The following SNX29 variants were observed in gnomAD, a reference collection of about 807,000 sequenced individuals.
SNX29 encodes sorting nexin 29, also known as sorting nexin-29.
In SNX29, 78 loss-of-function variants were observed where a neutral mutation model predicts 102.1. That is an observed-to-expected ratio of 0.76 (90% confidence interval 0.64 to 0.92). The LOEUF (loss-of-function observed/expected upper bound fraction) is 0.92, where lower values mean the gene tolerates loss of function less well. Ranked by LOEUF, SNX29 falls within the 40% of genes least tolerant of loss-of-function variation. SNX29 has a pLI of 0.00. For synonymous variants in SNX29, 580 were observed against 414.5 expected (o/e 1.40, Z -4.85); for missense variants, 1,280 against 1,061.7 (o/e 1.21, Z -2.86).
Position 12,573,771 on chromosome 16 carries a change from C to T in SNX29, c.*5142C>T, listed in dbSNP as rs2079235522. 1 of 222,722 alleles carries T rather than the reference C, an allele frequency of 4.5e-6. No homozygotes were observed. The highest frequency in any genetic ancestry group is 9.0e-6 in the Non-Finnish European group (1 of 111,506). 13.8% of individuals were successfully genotyped at this position (222,722 alleles called of 1,614,324 possible). On this transcript the variant is annotated 3_prime_UTR_variant, in exon 21 of 21. Transcript: ENST00000566228. ...AGAGCTACTAAACGCTCAGTGACCC[C>T]AGAGACCATTAATTTCCCGGAGTGA... is the stretch of plus-strand genomic sequence containing the variant.
chr16:12,366,756 C>T (rs1251630352), intron 16 of SNX29, among the ~76,000 whole-genome samples: 1 of 152,170 alleles, frequency 6.6e-6, no homozygotes, highest in Non-Finnish European at 1.5e-5. Context: ...CTGTGTGCTT[C>T]TCTTTTTGTT....
At chr16:12,138,951 C>T (rs2054764226) in intron 13 of SNX29, among the ~76,000 whole-genome samples, 1 of 151,904 alleles carries the variant, frequency 6.6e-6, no homozygotes, top group African/African-American at 2.4e-5. Context: ...GCCTGTAATC[C>T]CAACACTTTG....
intron 4 of SNX29, among the ~76,000 whole-genome samples, chr16:12,039,819 C>T (rs551800992): frequency 1.3e-5 from 2 of 152,200 alleles, no homozygotes; most frequent in African/African-American, 2.4e-5. Context: ...TGTTTACTAA[C>T]TGTGTTGCTG....
intron 14 of SNX29, among the ~76,000 whole-genome samples, chr16:12,260,704 G>A (rs28587217): frequency 1.6e-4 from 19 of 120,422 alleles, no homozygotes; most frequent in African/African-American, 3.9e-4. Flanking sequence ...ACGCGTCCCC[G>A]GCTGGAGTGA....
chr16:12,239,408 C>T lies in SNX29; in HGVS notation c.1679-38525C>T, dbSNP rs1223922105. Among the ~76,000 whole-genome samples the T allele has an allele frequency of 3.3e-5, 5 of 151,992 alleles. No individual in the cohort carries two copies. The South Asian group carries it at 6.2e-4, about 19-fold the overall frequency. ...CTGGGTCGTATGTAGCCTACTGGAC[C>T]GTGAACTCCTTGAGGACAGGAGTAT... On this transcript the variant is annotated intron_variant, in intron 14 of 20. Coordinates refer to ENST00000566228, the MANE Select transcript of SNX29 (RefSeq NM_032167.5).
chr16:12,171,596 G>A (rs1206577403), intron 13 of SNX29, among the ~76,000 whole-genome samples: 1 of 152,218 alleles, frequency 6.6e-6, no homozygotes, highest in Non-Finnish European at 1.5e-5. Context: ...TCAGGGCTTA[G>A]CCCTCTTCTG....
rs748464482 is a variant in SNX29 at position 12,524,849 on chromosome 16, C to G, written c.2318+8C>G. ...GCTGATGCCCTTCTTCGTGTAAGTA[C>G]TGCTCCCACGGACATGGGCCGCCAG... On this transcript the variant is annotated splice_region_variant and intron_variant, in intron 20 of 20. Coordinates refer to ENST00000566228, the MANE Select transcript of SNX29 (RefSeq NM_032167.5). The G allele has an allele frequency of 1.2e-6, 2 of 1,611,368 alleles. No homozygotes were observed. The highest frequency in any genetic ancestry group is 1.1e-5 in the South Asian group (1 of 90,790).
chr16:12,422,546 G>A (rs2084913323), intron 18 of SNX29, among the ~76,000 whole-genome samples: 1 of 152,196 alleles, frequency 6.6e-6, no homozygotes. Context: ...CTTGAACTTT[G>A]CTTCCCTCCT....
chr16:12,265,510 A>G (rs1435005967), intron 14 of SNX29, among the ~76,000 whole-genome samples: 1 of 152,150 alleles, frequency 6.6e-6, no homozygotes, highest in Non-Finnish European at 1.5e-5. Flanking sequence ...CTTAATGGAC[A>G]GGTGTTCTGA....
chr16:12,524,628 C>T (rs142230864), intron 19 of SNX29, 74 bp from the exon 20 acceptor site: 12 of 1,519,886 alleles, frequency 7.9e-6, no homozygotes, highest in African/African-American at 2.8e-5. Context: ...GATGGGTGAT[C>T]GCCTGTTCTA....
chr16:12,512,915 A>G (rs2089696099), intron 19 of SNX29, among the ~76,000 whole-genome samples: 1 of 152,110 alleles, frequency 6.6e-6, no homozygotes, highest in Middle Eastern at 3.4e-3. Flanking sequence ...TCCGTCACCA[A>G]AGCACTTGTT....
intron 14 of SNX29, among the ~76,000 whole-genome samples, chr16:12,264,399 C>A (rs571842112): frequency 7.9e-5 from 12 of 152,358 alleles, no homozygotes; most frequent in Non-Finnish European, 1.5e-4. Context: ...CCAGGCCTTA[C>A]AAACAACAGT....
rs145545649 is a variant in SNX29, at chr16:12,024,568, A to G, written c.123-2752A>G. Among the ~76,000 whole-genome samples, 323 of 152,324 alleles carry G rather than the reference A, an allele frequency of 2.1e-3. 1 individual carries two copies. Among genetic ancestry groups the G allele is most frequent in the African/African-American group, 7.5e-3 (310 of 41,576 alleles). ...AGGAAGGCATCATAGTGATCTAATT[A>G]AAAGACTAGCATCCACCTGGGTATT... On this transcript the variant is annotated intron_variant, in intron 3 of 20. Coordinates refer to ENST00000566228, the MANE Select transcript of SNX29 (RefSeq NM_032167.5).
chr16:12,328,734 G>C (rs1214453556), intron 15 of SNX29, among the ~76,000 whole-genome samples: 2 of 152,112 alleles, frequency 1.3e-5, no homozygotes, highest in African/African-American at 2.4e-5. Flanking sequence ...ATTTTCATCT[G>C]TGTATCTCTC....
intron 14 of SNX29, among the ~76,000 whole-genome samples, chr16:12,244,919 C>T (rs1242734969): frequency 6.6e-6 from 1 of 152,124 alleles, no homozygotes; most frequent in African/African-American, 2.4e-5. Flanking sequence ...TCATGTTTCT[C>T]CTTTCAGATT....
chr16:12,131,974 A>C (rs1306711073), intron 13 of SNX29, among the ~76,000 whole-genome samples: 1 of 152,122 alleles, frequency 6.6e-6, no homozygotes, highest in Non-Finnish European at 1.5e-5. Flanking sequence ...TCTCACCTGG[A>C]CCACCCTTTT....
intron 1 of SNX29, among the ~76,000 whole-genome samples, chr16:11,994,367 C>T (rs1596545740): frequency 6.6e-6 from 1 of 152,206 alleles, no homozygotes; most frequent in African/African-American, 2.4e-5. Context: ...TGGCTGGGGG[C>T]TGCCCCTGGA....
intron 6 of SNX29, among the ~76,000 whole-genome samples, chr16:12,047,845 T>C (rs529656830): frequency 2.0e-5 from 3 of 151,864 alleles, no homozygotes; most frequent in Non-Finnish European, 4.4e-5. Flanking sequence ...TTAGTAGATA[T>C]GGGGTTTCTC....
chr16:12,557,090 C>G (rs975200701), intron 20 of SNX29, among the ~76,000 whole-genome samples: 1 of 150,534 alleles, frequency 6.6e-6, no homozygotes, highest in East Asian at 2.0e-4. Context: ...CTCAAGCCAT[C>G]TAGCTGCCTC....
Sources: gnomAD v4.1 joint callset for allele counts (sites outside exome capture counted in the v4.1 genomes callset) on GRCh38, gnomAD v4.1.1 for gene constraint, MANE v1.5 for transcripts, NCBI Gene and HGNC (gene_info 2026-07-23, HGNC 2026-07-21) for gene names.